SLC24A3: variants seen among roughly 807,000 people sequenced by gnomAD.
SLC24A3 encodes solute carrier family 24 member 3.
Under a neutral mutation model 75.8 loss-of-function variants are expected in SLC24A3, and 28 were observed. That is an observed-to-expected ratio of 0.37 (90% CI 0.27 to 0.51). The LOEUF (loss-of-function observed/expected upper bound fraction) is 0.51, where lower values mean the gene tolerates loss of function less well. Ranked by LOEUF, SLC24A3 falls within the 20% of genes least tolerant of loss-of-function variation. The probability of loss-of-function intolerance (pLI) is 0.94; values close to 1 mark genes in which losing one functional copy is unlikely to be tolerated. For synonymous variants in SLC24A3, 372 were observed against 334.1 expected (o/e 1.11, Z -1.24); for missense variants, 663 against 847.8 (o/e 0.78, Z 2.71).
chr20:19,378,703 C>T (rs111525754), intron 2 of SLC24A3, among the ~76,000 whole-genome samples: 3,398 of 152,234 alleles, frequency 0.022, 129 homozygotes, highest in African/African-American at 0.077. Context: ...TAACGAGACA[C>T]ACAGGTCCCC....
chr20:19,624,722 A>G (rs552801145), intron 6 of SLC24A3, among the ~76,000 whole-genome samples: 62 of 152,320 alleles, frequency 4.1e-4, no homozygotes, highest in Admixed American at 7.2e-4. Flanking sequence ...TTACTGAAAT[A>G]GGGTGTGAGT....
At chr20:19,529,143 C>A (rs1166223769) in intron 3 of SLC24A3, among the ~76,000 whole-genome samples, 1 of 151,944 alleles carries the variant, frequency 6.6e-6, no homozygotes, top group African/African-American at 2.4e-5. Context: ...AATAAATGTA[C>A]ATTTGTATGC....
At chr20:19,260,851 C>T (rs1982963729) in intron 1 of SLC24A3, among the ~76,000 whole-genome samples, 1 of 152,174 alleles carries the variant, frequency 6.6e-6, no homozygotes, top group Non-Finnish European at 1.5e-5. Context: ...CGGCATGGAC[C>T]GACACGCTCC....
chr20:19,579,088 A>G (rs1568661807), intron 3 of SLC24A3, among the ~76,000 whole-genome samples: 1 of 152,290 alleles, frequency 6.6e-6, no homozygotes, highest in Non-Finnish European at 1.5e-5. Flanking sequence ...AAGGAATACT[A>G]CATACTGATT....
rs561150324 is a variant in SLC24A3, at chr20:19,406,214, G to A, written c.272-109274G>A. On this transcript the variant is annotated intron_variant, in intron 2 of 16. Transcript: ENST00000328041. ...TGTGTGTGTGTGTGTGTGTGCGTGC[G>A]TGTGTGTGTGTGTGAGAGAGAGAGA... is the stretch of plus-strand genomic sequence containing the variant. Among the ~76,000 whole-genome samples, 109 of 149,402 alleles carry A rather than the reference G, an allele frequency of 7.3e-4. 1 individual carries two copies. The South Asian group carries it at 0.014, about 19-fold the overall frequency.
intron 2 of SLC24A3, among the ~76,000 whole-genome samples, chr20:19,286,094 C>T (rs971580265): frequency 2.0e-5 from 3 of 152,170 alleles, no homozygotes; most frequent in African/African-American, 7.2e-5. Flanking sequence ...AGGATCATCC[C>T]ACTCTGTCTG....
chr20:19,250,979 T>C (rs927897933), intron 1 of SLC24A3, among the ~76,000 whole-genome samples: 11 of 152,216 alleles, frequency 7.2e-5, no homozygotes, highest in African/African-American at 2.7e-4. Context: ...TTTTAGTTTG[T>C]CCCATTCCAA....
chr20:19,337,085 G>A (rs150897529), intron 2 of SLC24A3, among the ~76,000 whole-genome samples: 2,396 of 152,254 alleles, frequency 0.016, 26 homozygotes, highest in Non-Finnish European at 0.024. Flanking sequence ...CTGAGATAAT[G>A]TTGCTGTGAA....
chr20:19,640,268 A>T (rs1332224216), intron 6 of SLC24A3, among the ~76,000 whole-genome samples: 1 of 152,198 alleles, frequency 6.6e-6, no homozygotes, highest in Non-Finnish European at 1.5e-5. Flanking sequence ...ACAAAACAAG[A>T]TACAGAAGTG....
At chr20:19,354,142 C>T (rs1985629955) in intron 2 of SLC24A3, among the ~76,000 whole-genome samples, 1 of 152,152 alleles carries the variant, frequency 6.6e-6, no homozygotes, top group South Asian at 2.1e-4. Context: ...CCCCTGAAAC[C>T]CACAACCGCA....
chr20:19,675,087 T>G (rs753846399), intron 9 of SLC24A3, among the ~76,000 whole-genome samples: 4 of 152,192 alleles, frequency 2.6e-5, no homozygotes, highest in Non-Finnish European at 4.4e-5. Context: ...ATGACCAATG[T>G]TTCCCATGCT....
chr20:19,271,221 C>T (rs1463050765), intron 1 of SLC24A3, among the ~76,000 whole-genome samples: 1 of 151,776 alleles, frequency 6.6e-6, no homozygotes, highest in Non-Finnish European at 1.5e-5. Context: ...CCTTCTGAAG[C>T]AATTTCAAAA....
intron 2 of SLC24A3, among the ~76,000 whole-genome samples, chr20:19,424,799 G>T (rs1004959887): frequency 8.0e-5 from 10 of 125,418 alleles, no homozygotes; most frequent in Admixed American, 2.4e-4. Context: ...AGGAGAAAAA[G>T]ACATTATCTT....
chr20:19,277,370 A>G (rs1387790250), intron 1 of SLC24A3, among the ~76,000 whole-genome samples: 1 of 152,246 alleles, frequency 6.6e-6, no homozygotes, highest in African/African-American at 2.4e-5. Context: ...TAACTACGAA[A>G]TGATAGTTGA....
chr20:19,456,692 A>G (rs928521717), intron 2 of SLC24A3, among the ~76,000 whole-genome samples: 2 of 152,250 alleles, frequency 1.3e-5, no homozygotes, highest in African/African-American at 4.8e-5. Context: ...CTCTACAGCT[A>G]GCAATGGCTC....
chr20:19,360,850 G>A (rs1435525552), intron 2 of SLC24A3, among the ~76,000 whole-genome samples: 2 of 150,666 alleles, frequency 1.3e-5, no homozygotes, highest in Non-Finnish European at 2.9e-5. Flanking sequence ...TTTTTGAGAC[G>A]GAGTCTCGCT....
At chr20:19,224,519 A>G (rs774454290) in intron 1 of SLC24A3, among the ~76,000 whole-genome samples, 25 of 152,202 alleles carry the variant, frequency 1.6e-4, no homozygotes, top group Non-Finnish European at 3.5e-4. Context: ...AAGGCCATGC[A>G]TGGCTTGTTA....
intron 2 of SLC24A3, among the ~76,000 whole-genome samples, chr20:19,476,515 C>T (rs1043303959): frequency 3.9e-5 from 6 of 152,194 alleles, no homozygotes; most frequent in Non-Finnish European, 8.8e-5. Flanking sequence ...AGCTGGCTTT[C>T]ATTGAAATTC....
chr20:19,420,026 T>TGTCC (rs1986892077), intron 2 of SLC24A3, among the ~76,000 whole-genome samples: 1 of 91,608 alleles, frequency 1.1e-5, no homozygotes, highest in East Asian at 3.6e-4. Flanking sequence ...CCCCTTCCTG[T>TGTCC]GTCCATGTGA....
Sources: allele counts gnomAD v4.1 joint callset (sites outside exome capture counted in the v4.1 genomes callset), GRCh38; gene constraint gnomAD v4.1.1; transcripts MANE v1.5; gene names NCBI Gene and HGNC (gene_info 2026-07-23, HGNC 2026-07-21).